The following CHST9 variants were observed in gnomAD, a reference collection of about 807,000 sequenced individuals.
CHST9 encodes the protein GalNAc-4-sulfotransferase 2.
A neutral mutation model predicts 44.4 loss-of-function variants in CHST9; 41 were observed. The observed-to-expected ratio is 0.92, with a 90% confidence interval of 0.72 to 1.20. CHST9 has a LOEUF of 1.20. CHST9 is among the 50% of genes most tolerant of loss of function. The probability of loss-of-function intolerance (pLI) is 0.00; values close to 1 mark genes in which losing one functional copy is unlikely to be tolerated. For synonymous variants in CHST9, 171 were observed against 178.4 expected (o/e 0.96, Z 0.33); for missense variants, 504 against 516.5 (o/e 0.98, Z 0.23).
intron 1 of CHST9, among the ~76,000 whole-genome samples, chr18:27,162,361 C>A (rs1172190567): frequency 6.6e-6 from 1 of 151,968 alleles, no homozygotes; most frequent in East Asian, 1.9e-4. Context: ...TTCTCCTTCA[C>A]TTATGAAGCT....
chr18:27,077,200 T>G (rs919422911), intron 2 of CHST9, among the ~76,000 whole-genome samples: 2 of 152,220 alleles, frequency 1.3e-5, no homozygotes, highest in South Asian at 2.1e-4. Context: ...TACTAATGTT[T>G]AGAGTCAATC....
Position 27,024,165 on chromosome 18 carries a change from A to G in CHST9, c.161-8T>C. On this transcript the variant is annotated splice_region_variant and splice_polypyrimidine_tract_variant and intron_variant, in intron 3 of 5. Coordinates refer to ENST00000618847, the MANE Select transcript of CHST9 (RefSeq NM_031422.6). ...ACTTCACTGGTCCCCATCCTGAAAA[A>G]GAAGAGGAAAGAAATTCATATATTA... 4 of 1,608,624 alleles carry G rather than the reference A, an allele frequency of 2.5e-6. No homozygotes were observed. Among genetic ancestry groups the G allele is most frequent in the Non-Finnish European group, 3.4e-6 (4 of 1,177,776 alleles).
intron 5 of CHST9, among the ~76,000 whole-genome samples, chr18:26,942,983 C>T (rs1171020846): frequency 2.0e-5 from 3 of 152,084 alleles, no homozygotes; most frequent in Non-Finnish European, 4.4e-5. Flanking sequence ...TGGCACACGC[C>T]TGTAGTCTCA....
At chr18:26,977,290 G>A (rs2056634832) in intron 4 of CHST9, among the ~76,000 whole-genome samples, 1 of 152,074 alleles carries the variant, frequency 6.6e-6, no homozygotes, top group Non-Finnish European at 1.5e-5. Flanking sequence ...ACAATAGCAA[G>A]TCCTAAAGCA....
chr18:27,045,130 G>T (rs193098822), intron 3 of CHST9, among the ~76,000 whole-genome samples: 15 of 151,706 alleles, frequency 9.9e-5, no homozygotes, highest in Non-Finnish European at 8.8e-5. Flanking sequence ...TAACTTTAGG[G>T]ATGCTCTAAT....
At chr18:27,146,013 T>C (rs1264815316) in intron 1 of CHST9, among the ~76,000 whole-genome samples, 1 of 152,180 alleles carries the variant, frequency 6.6e-6, no homozygotes, top group Non-Finnish European at 1.5e-5. Flanking sequence ...AAAGAGACTT[T>C]TACAATCTGT....
At chr18:27,058,494 C>T (rs760558413) in intron 2 of CHST9, among the ~76,000 whole-genome samples, 53 of 152,156 alleles carry the variant, frequency 3.5e-4, no homozygotes, top group Non-Finnish European at 4.3e-4. Context: ...TTTTTCCAAT[C>T]CCTAAGCTTA....
At chr18:27,117,054 A>T (rs2058329039) in intron 2 of CHST9, among the ~76,000 whole-genome samples, 1 of 151,912 alleles carries the variant, frequency 6.6e-6, no homozygotes, top group Admixed American at 6.6e-5. Flanking sequence ...ACTGGACTTT[A>T]CTTTTTAACT....
At chr18:27,011,587 C>T (rs1352169566) in intron 4 of CHST9, among the ~76,000 whole-genome samples, 1 of 152,198 alleles carries the variant, frequency 6.6e-6, no homozygotes, top group African/African-American at 2.4e-5. Context: ...ACTAGAGTGG[C>T]TACCCAGAAC....
chr18:27,111,807 G>T (rs899919387), intron 2 of CHST9, among the ~76,000 whole-genome samples: 2 of 152,094 alleles, frequency 1.3e-5, no homozygotes, highest in African/African-American at 4.8e-5. Flanking sequence ...ATTCAGTGAG[G>T]GCCTGAATAG....
chr18:27,026,459 A>G (rs1159518823), intron 3 of CHST9, among the ~76,000 whole-genome samples: 1 of 152,098 alleles, frequency 6.6e-6, no homozygotes, highest in Admixed American at 6.5e-5. Flanking sequence ...AGGGAAATAA[A>G]TACAATTTAT....
chr18:27,126,575 T>G (rs2058425869), intron 2 of CHST9, among the ~76,000 whole-genome samples: 1 of 151,834 alleles, frequency 6.6e-6, no homozygotes, highest in Non-Finnish European at 1.5e-5. Context: ...AAACTGAAAA[T>G]TTAGGACAGC....
intron 4 of CHST9, among the ~76,000 whole-genome samples, chr18:26,970,640 C>A (rs896815065): frequency 2.0e-5 from 3 of 152,112 alleles, no homozygotes; most frequent in African/African-American, 7.2e-5. Flanking sequence ...GTTGCCCAGG[C>A]AGGACTTGAG....
rs1349763494 is a variant in CHST9 at position 27,142,677 on chromosome 18, C to T, written c.121+12G>A. ...GTTACAATTAAAATAGAAGAAAAAG[C>T]ACATGTGTTACCTGTATGTTGTTCT... On this transcript the variant is annotated intron_variant, in intron 2 of 5. Transcript: ENST00000618847. 2.6e-6 allele frequency: 4 copies of T among 1,557,072 alleles called. No individual in the cohort carries two copies. The highest frequency in any genetic ancestry group is 2.3e-5 in the East Asian group (1 of 43,538).
intron 4 of CHST9, among the ~76,000 whole-genome samples, chr18:26,981,028 C>A (rs2056685387): frequency 6.6e-6 from 1 of 152,226 alleles, no homozygotes; most frequent in Admixed American, 6.5e-5. Context: ...AAGGAGAGTT[C>A]TGTGATGTTG....
intron 4 of CHST9, among the ~76,000 whole-genome samples, chr18:27,019,689 C>CAAAAA (rs60043018): frequency 0.036 from 3,274 of 90,654 alleles, 123 homozygotes; most frequent in Non-Finnish European, 0.051. Flanking sequence ...CACTACATGG[C>CAAAAA]AAAAAAAAAA....
At chr18:26,986,260 A>C (rs2056754091) in intron 4 of CHST9, among the ~76,000 whole-genome samples, 1 of 152,198 alleles carries the variant, frequency 6.6e-6, no homozygotes, top group South Asian at 2.1e-4. Context: ...AAAATACAAA[A>C]AAGACCTAAA....
At chr18:27,174,042 C>T (rs1428777173) in intron 1 of CHST9, among the ~76,000 whole-genome samples, 1 of 151,958 alleles carries the variant, frequency 6.6e-6, no homozygotes, top group Non-Finnish European at 1.5e-5. Context: ...AAAGACACAT[C>T]CTTCTATATA....
intron 2 of CHST9, among the ~76,000 whole-genome samples, chr18:27,093,887 T>C (rs1473527800): frequency 6.6e-6 from 1 of 152,052 alleles, no homozygotes; most frequent in African/African-American, 2.4e-5. Context: ...CTTCCTTTTT[T>C]TTTTTTCTTT....
Sources: gnomAD v4.1 joint callset for allele counts (sites outside exome capture counted in the v4.1 genomes callset) on GRCh38, gnomAD v4.1.1 for gene constraint, MANE v1.5 for transcripts, NCBI Gene and HGNC (gene_info 2026-07-23, HGNC 2026-07-21) for gene names.